SH2B1: variants seen among roughly 807,000 people sequenced by gnomAD.
SH2B1 encodes the protein SH2B adaptor protein 1.
In SH2B1, 15 loss-of-function variants were observed where a neutral mutation model predicts 62.6. The observed-to-expected ratio is 0.24, with a 90% CI of 0.16 to 0.37. The LOEUF is 0.37. Ranked by LOEUF, SH2B1 falls within the 10% of genes least tolerant of loss-of-function variation. The probability of loss-of-function intolerance (pLI) is 1.00; values close to 1 mark genes in which losing one functional copy is unlikely to be tolerated. For synonymous variants in SH2B1, 443 were observed against 438.0 expected, an observed-to-expected ratio of 1.01 and a Z score of -0.14; for missense variants, 925 against 1,015.6, an observed-to-expected ratio of 0.91 and a Z score of 1.21.
Position 28,873,070 on chromosome 16 carries a change from A to G in SH2B1, c.1897+365A>G. On this transcript the variant is annotated intron_variant, in intron 7 of 7. Coordinates refer to ENST00000684370, the MANE Select transcript of SH2B1 (RefSeq NM_001387430.1). This position sits in a 1 kb window ranked among gnomAD's most constrained non-coding sequence, Gnocchi z 4.2. Reference sequence around the variant, plus strand: ...GCCCTTCCCGGGGACACTCGGTCTGATCCCCTTCCCTCCTCCCTCAATGTC... The same window carrying G: ...GCCCTTCCCGGGGACACTCGGTCTGGTCCCCTTCCCTCCTCCCTCAATGTC... The G allele has an allele frequency of 7.6e-6, 6 of 784,356 alleles. No individual in the cohort carries two copies. Among genetic ancestry groups the G allele is most frequent in the Non-Finnish European group, 1.2e-5 (6 of 499,318 alleles). 48.6% of individuals were successfully genotyped at this position (784,356 alleles called of 1,614,324 possible).
chr16:28,873,938 A>G lies in SH2B1; in HGVS notation c.*118A>G, dbSNP rs774033240. 2.9e-4 allele frequency: 310 copies of G among 1,068,852 alleles called. No individual in the cohort carries two copies. Among genetic ancestry groups the G allele is most frequent in the Admixed American group, 5.0e-4 (13 of 25,776 alleles). The allele number at this position is 1,068,852 out of a possible 1,614,324, so 66.2% of individuals were successfully genotyped here. On this transcript the variant is annotated 3_prime_UTR_variant, in exon 8 of 8. Transcript: ENST00000684370. This position sits in a 1 kb window ranked among gnomAD's most constrained non-coding sequence, Gnocchi z 4.2. Reference sequence around the variant, plus strand: ...CATGCTTCCTGACCCTTGTTGGCCAAGGGCATCTTTGATGGTACAAGCAGA... The same window carrying G: ...CATGCTTCCTGACCCTTGTTGGCCAGGGGCATCTTTGATGGTACAAGCAGA...
chr16:28,857,230 C>T (rs1962338538), intron 1 of SH2B1, among the ~76,000 whole-genome samples: 1 of 151,580 alleles, frequency 6.6e-6, no homozygotes, highest in South Asian at 2.1e-4. Context: ...TTGCAGTGAA[C>T]CGAGATTGCA....
chr16:28,865,983 T>C lies in SH2B1; in HGVS notation c.-112T>C. On this transcript the variant is annotated 5_prime_UTR_variant, in exon 1 of 8. Transcript: ENST00000684370. Reference sequence around the variant, plus strand: ...TCCGGTGCGCCCTCAGCAGTGACCCTCGTGTGTGCCTCTCTCTTCCTTTCG... The same window carrying C: ...TCCGGTGCGCCCTCAGCAGTGACCCCCGTGTGTGCCTCTCTCTTCCTTTCG... 6.7e-7 allele frequency: 1 copy of C among 1,493,068 alleles called. No individual in the cohort carries two copies. The highest frequency in any genetic ancestry group is 1.4e-5 in the South Asian group (1 of 73,274). 92.5% of individuals were successfully genotyped at this position (1,493,068 alleles called of 1,614,324 possible).
intron 1 of SH2B1, among the ~76,000 whole-genome samples, chr16:28,850,515 A>T (rs1962070317): frequency 6.6e-6 from 1 of 151,964 alleles, no homozygotes; most frequent in African/African-American, 2.4e-5. Flanking sequence ...GCAGTGAGCA[A>T]TGATAGCACC....
chr16:28,866,061 A>C lies in SH2B1; in HGVS notation c.-34A>C. On this transcript the variant is annotated 5_prime_UTR_variant, in exon 1 of 8. Coordinates refer to ENST00000684370, the MANE Select transcript of SH2B1 (RefSeq NM_001387430.1). This position sits in a 1 kb window ranked among gnomAD's most constrained non-coding sequence, Gnocchi z 6.3. The stretch of plus-strand genomic sequence containing the variant: ...CTGGCTGCCTCCCTCTTTGTGCCCC[A>C]CAGGCTCCCCCTCTCCACCTCCTGG... 1.3e-6 allele frequency: 2 copies of C among 1,504,292 alleles called. No individual in the cohort carries two copies. Among genetic ancestry groups the C allele is most frequent in the Non-Finnish European group, 1.8e-6 (2 of 1,134,082 alleles). 93.2% of individuals were successfully genotyped at this position (1,504,292 alleles called of 1,614,324 possible).
Position 28,866,327 on chromosome 16 carries a change from C to T in SH2B1, c.233C>T (p.Ala78Val), listed in dbSNP as rs539108157. 2.5e-5 allele frequency: 40 copies of T among 1,611,882 alleles called. No homozygotes were observed. The African/African-American group carries it at 4.9e-4, about 20-fold the overall frequency. Residue 78 changes from alanine to valine, a missense_variant, in exon 1 of 8, where the codon GCC becomes GTC. This residue lies in a region of SH2B1 where 683 missense variants were observed against 704.0 expected (regional missense o/e 0.97). Coordinates refer to ENST00000684370, the MANE Select transcript of SH2B1 (RefSeq NM_001387430.1). The surrounding 1 kb of genome is among the most constrained non-coding windows in gnomAD (Gnocchi z 6.3). ...GAGCTCTTCCTGCAGCACTTTGAAG[C>T]CGAGGTGGCCCGGGCCTCTGGCTCC... ...FAELFLQHFEAEVARASGSLS... is the reference protein window; with the variant it reads ...FAELFLQHFEVEVARASGSLS...
At chr16:28,867,082 C>G (rs746817918) in intron 1 of SH2B1, 49 bp downstream of exon 1, 69 of 1,596,840 alleles carry the variant, frequency 4.3e-5, no homozygotes, top group African/African-American at 5.3e-5. Context: ...AGAGAGTGCT[C>G]AGAGTGGTCA....
At chr16:28,852,191 T>TACA (rs1962114133) in intron 1 of SH2B1, among the ~76,000 whole-genome samples, 6 of 133,044 alleles carry the variant, frequency 4.5e-5, no homozygotes, top group Non-Finnish European at 9.2e-5. Context: ...TATATATATT[T>TACA]TTATTTATAT....
chr16:28,859,820 T>C (rs1962397853), upstream of SH2B1, among the ~76,000 whole-genome samples: 3 of 151,450 alleles, frequency 2.0e-5, no homozygotes, highest in Admixed American at 6.6e-5. Flanking sequence ...GCTCCAGCCA[T>C]GCCTGAAGTC....
Position 28,873,553 on chromosome 16 carries a change from AGCAGCAGCC to A in SH2B1, c.2014_2022del (p.Ala672_Ala674del), listed in dbSNP as rs770898620. Reference sequence around the variant, plus strand: ...CGTCGAGGGCGCCAGAAGTGGCGGCAGCAGCAGCCGCAGCAGCCAAAGAGAGGCAAGAGA... The same window carrying A: ...CGTCGAGGGCGCCAGAAGTGGCGGCAGCAGCAGCCAAAGAGAGGCAAGAGA... On this transcript the variant is annotated inframe_deletion, in exon 8 of 8. Transcript: ENST00000684370. This position sits in a 1 kb window ranked among gnomAD's most constrained non-coding sequence, Gnocchi z 4.2. 29 of 1,600,948 alleles carry A rather than the reference AGCAGCAGCC, an allele frequency of 1.8e-5. No individual in the cohort carries two copies. The highest frequency in any genetic ancestry group is 1.1e-4 in the African/African-American group (8 of 74,550).
intron 1 of SH2B1, among the ~76,000 whole-genome samples, chr16:28,848,647 A>T (rs1366130507): frequency 6.6e-6 from 1 of 150,618 alleles, no homozygotes; most frequent in Non-Finnish European, 1.5e-5. Flanking sequence ...AAACCCCAAA[A>T]AGTGTGCACA....
At chr16:28,849,421 T>G (rs931365143) in intron 1 of SH2B1, among the ~76,000 whole-genome samples, 2 of 152,216 alleles carry the variant, frequency 1.3e-5, no homozygotes, top group African/African-American at 2.4e-5. Context: ...GTTTCTACTC[T>G]GTACCTAAGT....
chr16:28,850,089 C>T (rs1948920808), intron 1 of SH2B1, among the ~76,000 whole-genome samples: 1 of 152,138 alleles, frequency 6.6e-6, no homozygotes, highest in Admixed American at 6.6e-5. Context: ...GTGAATGGCT[C>T]AGTCAGAAGT....
chr16:28,847,182 TAGGGGAGCCTTTA>T (rs1961993591), intron 1 of SH2B1, among the ~76,000 whole-genome samples: 1 of 152,200 alleles, frequency 6.6e-6, no homozygotes, highest in African/African-American at 2.4e-5. Context: ...AGGAGCCAGC[TAGGGGAGCCTTTA>T]AGGGGAGCCT....
chr16:28,864,049 C>G lies in SH2B1; in HGVS notation c.-2046C>G. ...CTGGGTGGGGGTGGGCGTGGAGGGC[C>G]GGGGGCTGGAGAGGCACTCGGCCCC... is the stretch of plus-strand genomic sequence containing the variant. On this transcript the variant is annotated 5_prime_UTR_variant, in exon 1 of 8. Coordinates refer to ENST00000684370, the MANE Select transcript of SH2B1 (RefSeq NM_001387430.1). 1 of 1,372,846 alleles carries G rather than the reference C, an allele frequency of 7.3e-7. No individual in the cohort carries two copies. The highest frequency in any genetic ancestry group is 9.4e-7 in the Non-Finnish European group (1 of 1,060,968). 85.0% of individuals were successfully genotyped at this position (1,372,846 alleles called of 1,614,324 possible).
chr16:28,873,416 A>G lies in SH2B1; in HGVS notation c.1898-31A>G, dbSNP rs919483000. ...CGGCAGGAGCTCACCTGCCTCCACA[A>G]TCAGTCTGTTTTCTTACCATTCCTA... On this transcript the variant is annotated intron_variant, in intron 7 of 7. Transcript: ENST00000684370. This position sits in a 1 kb window ranked among gnomAD's most constrained non-coding sequence, Gnocchi z 4.2. The G allele has an allele frequency of 2.0e-5, 31 of 1,577,918 alleles. No individual in the cohort carries two copies. Among genetic ancestry groups the G allele is most frequent in the Non-Finnish European group, 2.6e-5 (30 of 1,171,980 alleles).
Position 28,865,666 on chromosome 16 carries a change from A to C in SH2B1, c.-429A>C. ...GGAGCCTCTAGAATGGCTCATGGGA[A>C]GTGTGACATGAATATTGGAGGATCC... On this transcript the variant is annotated 5_prime_UTR_variant, in exon 1 of 8. Coordinates refer to ENST00000684370, the MANE Select transcript of SH2B1 (RefSeq NM_001387430.1). The C allele has an allele frequency of 1.0e-6, 1 of 995,122 alleles. No homozygotes were observed. The allele number at this position is 995,122 out of a possible 1,614,324, so 61.6% of individuals were successfully genotyped here.
chr16:28,873,088 T>A lies in SH2B1; in HGVS notation c.1898-359T>A. 1.1e-6 allele frequency: 1 copy of A among 923,802 alleles called. No individual in the cohort carries two copies. Among genetic ancestry groups the A allele is most frequent in the Non-Finnish European group, 1.6e-6 (1 of 623,130 alleles). 57.2% of individuals were successfully genotyped at this position (923,802 alleles called of 1,614,324 possible). A position where few individuals can be genotyped will look rare whatever the true frequency, so the allele number is the denominator to read the frequency against. ...CGGTCTGATCCCCTTCCCTCCTCCC[T>A]CAATGTCTCATGTCCCTGTCTGATC... On this transcript the variant is annotated intron_variant, in intron 7 of 7. Transcript: ENST00000684370. This position sits in a 1 kb window ranked among gnomAD's most constrained non-coding sequence, Gnocchi z 4.2.
At chr16:28,863,806 C>T (rs1051373817), upstream of SH2B1, 28 of 1,535,264 alleles carry the variant, frequency 1.8e-5, no homozygotes, top group East Asian at 4.9e-4. Flanking sequence ...TGGTCTCTTC[C>T]TTCAGCGACG....
Sources: gnomAD v4.1 joint callset for allele counts (sites outside exome capture counted in the v4.1 genomes callset) on GRCh38, gnomAD v4.1.1 for gene constraint, gnomAD v4.1.1 regional missense constraint, Gnocchi (gnomAD v3.1) non-coding constraint, MANE v1.5 for transcripts, NCBI Gene and HGNC (gene_info 2026-07-23, HGNC 2026-07-21) for gene names.